The following GPC6 variants were observed in gnomAD, a reference collection of about 807,000 sequenced individuals.
GPC6 encodes the protein glypican 6.
A neutral mutation model predicts 55.2 loss-of-function variants in GPC6; 14 were observed. That is an observed-to-expected ratio of 0.25 (90% CI 0.17 to 0.40). The LOEUF is 0.40. Ranked by LOEUF, GPC6 falls within the 10% of genes least tolerant of loss-of-function variation. The probability of loss-of-function intolerance (pLI) is 1.00; values close to 1 mark genes in which losing one functional copy is unlikely to be tolerated. For synonymous variants in GPC6, 278 were observed against 259.6 expected (o/e 1.07, Z -0.68); for missense variants, 641 against 708.5 (o/e 0.90, Z 1.08).
At chr13:93,680,841 T>C (rs1296476164) in intron 2 of GPC6, among the ~76,000 whole-genome samples, 3 of 152,120 alleles carry the variant, frequency 2.0e-5, no homozygotes, top group African/African-American at 7.2e-5. Flanking sequence ...TTTGAGAGTC[T>C]TTCTATAGGA....
chr13:93,371,523 T>C (rs891705773), intron 1 of GPC6, among the ~76,000 whole-genome samples: 1 of 152,144 alleles, frequency 6.6e-6, no homozygotes, highest in African/African-American at 2.4e-5. Flanking sequence ...GACCTAGCAA[T>C]GGACCATTTC....
intron 2 of GPC6, among the ~76,000 whole-genome samples, chr13:93,565,833 A>G (rs2139465539): frequency 6.6e-6 from 1 of 152,104 alleles, no homozygotes; most frequent in South Asian, 2.1e-4. Flanking sequence ...GGGGCAGGAG[A>G]ATCACTTGAA....
At chr13:93,711,131 T>C (rs1026321097) in intron 2 of GPC6, among the ~76,000 whole-genome samples, 57 of 151,864 alleles carry the variant, frequency 3.8e-4, no homozygotes, top group African/African-American at 1.3e-3. Context: ...AGTAAAGCCT[T>C]CCAAGTTCAG....
intron 3 of GPC6, among the ~76,000 whole-genome samples, chr13:93,965,603 C>T (rs1880005671): frequency 6.6e-6 from 1 of 152,106 alleles, no homozygotes; most frequent in Non-Finnish European, 1.5e-5. Flanking sequence ...GTCTCACCCT[C>T]TTAAAACTTG....
chr13:93,306,524 A>C (rs1045031727), intron 1 of GPC6, among the ~76,000 whole-genome samples: 3 of 152,190 alleles, frequency 2.0e-5, no homozygotes, highest in Non-Finnish European at 2.9e-5. Context: ...AAATATAATC[A>C]CTAAATCTTA....
Position 93,911,477 on chromosome 13 carries a change from T to G in GPC6, c.711+80932T>G, listed in dbSNP as rs567983722. On this transcript the variant is annotated intron_variant, in intron 3 of 8. Coordinates refer to ENST00000377047, the MANE Select transcript of GPC6 (RefSeq NM_005708.5). Reference sequence around the variant, plus strand: ...TTTTCCTTGGTCAATCACAAGGATATGTAGTCATAATTACAAGGATGTGAG... The same window carrying G: ...TTTTCCTTGGTCAATCACAAGGATAGGTAGTCATAATTACAAGGATGTGAG... Among the ~76,000 whole-genome samples, 11 of 152,216 alleles carry G rather than the reference T, an allele frequency of 7.2e-5. 1 individual carries two copies. The highest frequency in any genetic ancestry group is 2.6e-4 in the African/African-American group (11 of 41,534).
chr13:93,263,902 C>T (rs985792476), intron 1 of GPC6, among the ~76,000 whole-genome samples: 1 of 152,178 alleles, frequency 6.6e-6, no homozygotes, highest in African/African-American at 2.4e-5. Flanking sequence ...CCACATATTT[C>T]TCTCTGTTAG....
chr13:93,622,260 T>C, intron 2 of GPC6, among the ~76,000 whole-genome samples: 1 of 152,230 alleles, frequency 6.6e-6, no homozygotes, highest in South Asian at 2.1e-4. Flanking sequence ...TTAGGCATTG[T>C]GCTAAGGACC....
At chr13:93,742,130 T>C (rs1884226982) in intron 2 of GPC6, among the ~76,000 whole-genome samples, 1 of 152,206 alleles carries the variant, frequency 6.6e-6, no homozygotes, top group South Asian at 2.1e-4. Flanking sequence ...TTGACATAAA[T>C]AAATACTTTG....
chr13:93,982,250 A>C (rs1237959541), intron 3 of GPC6, among the ~76,000 whole-genome samples: 1 of 152,200 alleles, frequency 6.6e-6, no homozygotes, highest in Non-Finnish European at 1.5e-5. Context: ...ATTTATTGTT[A>C]GTCAACGTGA....
At chr13:93,298,301 C>T (rs1734616738) in intron 1 of GPC6, among the ~76,000 whole-genome samples, 1 of 152,202 alleles carries the variant, frequency 6.6e-6, no homozygotes, top group Admixed American at 6.5e-5. Context: ...AGAGCCCAGT[C>T]CCTCAGTTTA....
intron 4 of GPC6, among the ~76,000 whole-genome samples, chr13:94,029,493 G>A (rs1040931095): frequency 1.3e-5 from 2 of 152,152 alleles, no homozygotes; most frequent in Non-Finnish European, 2.9e-5. Flanking sequence ...AGCAAAGACA[G>A]AATACCCAAC....
At chr13:94,201,386 C>T (rs1044308512) in intron 4 of GPC6, among the ~76,000 whole-genome samples, 1 of 152,068 alleles carries the variant, frequency 6.6e-6, no homozygotes, top group Non-Finnish European at 1.5e-5. Context: ...TGCCTGGAAC[C>T]GTATGTGCCT....
intron 1 of GPC6, among the ~76,000 whole-genome samples, chr13:93,336,433 A>C (rs1212033663): frequency 6.6e-6 from 1 of 152,238 alleles, no homozygotes; most frequent in East Asian, 1.9e-4. Context: ...ACTTAGCACC[A>C]AAAATTAATA....
intron 1 of GPC6, among the ~76,000 whole-genome samples, chr13:93,317,872 G>A (rs190775297): frequency 3.3e-5 from 5 of 152,192 alleles, no homozygotes; most frequent in South Asian, 2.1e-4. Context: ...GCTCATCTGC[G>A]ATTTCAGCAC....
intron 2 of GPC6, among the ~76,000 whole-genome samples, chr13:93,631,464 A>G (rs1879426241): frequency 6.6e-6 from 1 of 152,164 alleles, no homozygotes; most frequent in Admixed American, 6.5e-5. Flanking sequence ...CTCCAGAACC[A>G]CAAGAAATAC....
intron 6 of GPC6, among the ~76,000 whole-genome samples, chr13:94,361,628 T>C (rs1182176217): frequency 1.3e-5 from 2 of 152,256 alleles, no homozygotes; most frequent in Non-Finnish European, 2.9e-5. Flanking sequence ...TAAAGTCCTT[T>C]TGTGGACAGG....
At chr13:93,913,718 T>C (rs1877133232) in intron 3 of GPC6, among the ~76,000 whole-genome samples, 1 of 152,060 alleles carries the variant, frequency 6.6e-6, no homozygotes, top group Admixed American at 6.5e-5. Context: ...TAAGGTAGAG[T>C]TATTATTTTT....
chr13:93,448,400 G>A (rs1243054939), intron 1 of GPC6, among the ~76,000 whole-genome samples: 3 of 152,120 alleles, frequency 2.0e-5, no homozygotes, highest in Non-Finnish European at 2.9e-5. Flanking sequence ...ACTCTATGAG[G>A]TTTGCACAGC....
Sources: allele counts gnomAD v4.1 joint callset (sites outside exome capture counted in the v4.1 genomes callset), GRCh38; gene constraint gnomAD v4.1.1; transcripts MANE v1.5; gene names NCBI Gene and HGNC (gene_info 2026-07-23, HGNC 2026-07-21).